Variants in SPATA13 observed in about 807,000 individuals in gnomAD.
The protein encoded by SPATA13 is spermatogenesis-associated protein 13.
A neutral mutation model predicts 104.0 loss-of-function variants in SPATA13; 50 were observed. That is an observed-to-expected ratio of 0.48 (90% CI 0.38 to 0.61). The LOEUF (loss-of-function observed/expected upper bound fraction) is 0.61. Ranked by LOEUF, SPATA13 falls within the 20% of genes least tolerant of loss-of-function variation. The pLI is 0.00. For missense variants in SPATA13, 1,524 were observed against 1,690.6 expected, an observed-to-expected ratio of 0.90 and a Z score of 1.73; for synonymous variants, 606 against 667.5, an observed-to-expected ratio of 0.91 and a Z score of 1.42.
At position 24,141,664 on chromosome 13, in the gene SPATA13, G is replaced by A. The variant is rs80009166; in HGVS notation, c.-111-81155G>A. 8.5e-3 allele frequency among the ~76,000 whole-genome samples: 1,297 copies of A among 152,284 alleles called. 13 individuals carry two copies. Among genetic ancestry groups the A allele is most frequent in the African/African-American group, 0.029 (1,225 of 41,554 alleles). ...GTCATGTTCATCCTTGCAGCCCAGC[G>A]CCTGCCACGCAGGGGGTATGGAATG... On this transcript the variant is annotated intron_variant, in intron 3 of 14. Coordinates refer to the SPATA13 transcript ENST00000424834.
chr13:24,062,441 G>A (rs918536847), intron 3 of SPATA13, among the ~76,000 whole-genome samples: 3 of 152,192 alleles, frequency 2.0e-5, no homozygotes, highest in African/African-American at 4.8e-5. Context: ...TGGCGCCAGG[G>A]TGCACGGTGC....
At chr13:24,294,991 T>C (rs1876665482) in intron 10 of SPATA13, 123 bp downstream of exon 10, 2 of 967,630 alleles carry the variant, frequency 2.1e-6, no homozygotes, top group South Asian at 4.6e-5. Flanking sequence ...ATGGTACATA[T>C]ACCATTAATG....
At chr13:23,992,378 T>A (rs183997965) in intron 2 of SPATA13, among the ~76,000 whole-genome samples, 2 of 152,336 alleles carry the variant, frequency 1.3e-5, no homozygotes, top group East Asian at 3.9e-4. Flanking sequence ...CTAAGTCCTG[T>A]AGTAAAGCCC....
At chr13:24,041,219 A>G (rs1287127855) in intron 3 of SPATA13, among the ~76,000 whole-genome samples, 1 of 152,228 alleles carries the variant, frequency 6.6e-6, no homozygotes, top group Non-Finnish European at 1.5e-5. Context: ...TTGTTAAATA[A>G]AAGGTGGTGA....
chr13:24,263,106 T>G (rs1008368783), intron 4 of SPATA13, among the ~76,000 whole-genome samples: 1 of 152,180 alleles, frequency 6.6e-6, no homozygotes, highest in African/African-American at 2.4e-5. Flanking sequence ...CCGTAGCAGG[T>G]GTTGAGGTGT....
At chr13:24,026,608 C>T (rs575362491) in intron 3 of SPATA13, among the ~76,000 whole-genome samples, 124 of 152,230 alleles carry the variant, frequency 8.1e-4, no homozygotes, top group African/African-American at 2.9e-3. Context: ...GACAGAGTCT[C>T]GCTCTGTCAC....
chr13:24,089,896 C>A (rs535533589), intron 3 of SPATA13, among the ~76,000 whole-genome samples: 2 of 152,290 alleles, frequency 1.3e-5, no homozygotes, highest in Admixed American at 6.5e-5. Context: ...GATGTCCTGC[C>A]GCTCTGTCCT....
At chr13:24,026,778 C>T (rs1188559574) in intron 3 of SPATA13, among the ~76,000 whole-genome samples, 3 of 152,114 alleles carry the variant, frequency 2.0e-5, no homozygotes, top group Admixed American at 6.5e-5. Flanking sequence ...GGGTTTTCAC[C>T]GTGTTAGCCA....
At chr13:23,986,665 A>G (rs1156972322) in intron 2 of SPATA13, among the ~76,000 whole-genome samples, 1 of 152,076 alleles carries the variant, frequency 6.6e-6, no homozygotes, top group Non-Finnish European at 1.5e-5. Flanking sequence ...CTCACCTTTA[A>G]TTTATCTTTT....
At chr13:24,070,684 T>G (rs1879125845) in intron 3 of SPATA13, among the ~76,000 whole-genome samples, 2 of 152,212 alleles carry the variant, frequency 1.3e-5, no homozygotes, top group Admixed American at 1.3e-4. Context: ...CTGAGTGAAG[T>G]CAACTTTCCT....
chr13:24,087,793 G>A (rs1156320325), intron 3 of SPATA13, among the ~76,000 whole-genome samples: 2 of 152,132 alleles, frequency 1.3e-5, no homozygotes, highest in South Asian at 4.1e-4. Context: ...GTTCTGGGTG[G>A]CCACGGGGCT....
At chr13:24,004,420 T>C (rs1163753399) in intron 2 of SPATA13, among the ~76,000 whole-genome samples, 1 of 152,142 alleles carries the variant, frequency 6.6e-6, no homozygotes, top group African/African-American at 2.4e-5. Context: ...TGGACCACAG[T>C]ATATTTGTTT....
chr13:24,248,002 G>A (rs542593322), intron 2 of SPATA13, among the ~76,000 whole-genome samples: 25 of 152,288 alleles, frequency 1.6e-4, no homozygotes, highest in African/African-American at 5.5e-4. Flanking sequence ...TGCCTTCTCT[G>A]GTGGTTCTGG....
chr13:24,285,489 A>G (rs920548792), intron 5 of SPATA13, among the ~76,000 whole-genome samples: 14 of 151,800 alleles, frequency 9.2e-5, no homozygotes, highest in African/African-American at 3.4e-4. Flanking sequence ...TTTTTTAAAA[A>G]GGGGCCTGCC....
At chr13:24,152,048 A>G (rs1882113783) in intron 3 of SPATA13, among the ~76,000 whole-genome samples, 1 of 152,228 alleles carries the variant, frequency 6.6e-6, no homozygotes, top group Non-Finnish European at 1.5e-5. Flanking sequence ...GCAGAGTGTG[A>G]TACGTGAACA....
chr13:24,216,558 A>C lies in SPATA13; in HGVS notation c.-111-6261A>C, dbSNP rs1199648375. Among the ~76,000 whole-genome samples the C allele has an allele frequency of 1.3e-5, 2 of 152,248 alleles. 1 individual carries two copies. On this transcript the variant is annotated intron_variant, in intron 1 of 12. Coordinates refer to ENST00000382108, the MANE Select transcript of SPATA13 (RefSeq NM_001166271.3). ...AATACTTAAGTGACGCCAGAGCTAC[A>C]GATGCTCTTTTGAAGCATCTTACCT...
At chr13:24,289,599 T>C (rs1876191687) in intron 8 of SPATA13, among the ~76,000 whole-genome samples, 1 of 152,166 alleles carries the variant, frequency 6.6e-6, no homozygotes, top group Non-Finnish European at 1.5e-5. Context: ...ACTTTCTAGA[T>C]GAGGAAACTA....
chr13:24,123,663 T>C, intron 3 of SPATA13: 1 of 1,594,286 alleles, frequency 6.3e-7, no homozygotes, highest in Non-Finnish European at 8.6e-7. Flanking sequence ...CACATCAAAC[T>C]TCATGCATAT....
In SPATA13 at chr13:24,088,873, G is replaced by T. The variant is rs185032980; in HGVS notation, c.-112+71172G>T. Among the ~76,000 whole-genome samples the T allele has an allele frequency of 6.6e-6, 1 of 152,190 alleles. No homozygotes were observed. Among genetic ancestry groups the T allele is most frequent in the Non-Finnish European group, 1.5e-5 (1 of 68,032 alleles). On this transcript the variant is annotated intron_variant, in intron 3 of 14. Coordinates refer to the SPATA13 transcript ENST00000424834. The surrounding 1 kb of genome is among the most constrained non-coding windows in gnomAD (Gnocchi z 4.3). The stretch of plus-strand genomic sequence containing the variant: ...TCCCCAAGGCTGGCTCCAGGAAAGC[G>T]CAAGCAAGGGCTCCTGGGTCCACTG...
Sources: allele counts gnomAD v4.1 joint callset (sites outside exome capture counted in the v4.1 genomes callset), GRCh38; gene constraint gnomAD v4.1.1; non-coding constraint Gnocchi (gnomAD v3.1); transcripts MANE v1.5; gene names NCBI Gene and HGNC (gene_info 2026-07-23, HGNC 2026-07-21).